The following RTL4 variants were observed in gnomAD, a reference collection of about 807,000 sequenced individuals.
RTL4 encodes the protein retrotransposon Gag like 4.
Under a neutral mutation model 5.3 loss-of-function variants are expected in RTL4, and 4 were observed. The ratio of observed to expected loss-of-function variants is 0.75; its 90% CI spans 0.37 to 1.72. The LOEUF (loss-of-function observed/expected upper bound fraction) is 1.72. RTL4 is among the 40% of genes most tolerant of loss of function. The probability of loss-of-function intolerance (pLI) is 0.04; values close to 1 mark genes in which losing one functional copy is unlikely to be tolerated. For missense variants in RTL4, 260 were observed against 227.1 expected, an observed-to-expected ratio of 1.14 and a Z score of -0.93; for synonymous variants, 98 against 87.3, an observed-to-expected ratio of 1.12 and a Z score of -0.68.
the RTL4 span, among the ~76,000 whole-genome samples, chrX:112,334,996 T>C: frequency 8.9e-6 from 1 of 112,234 alleles, no homozygotes; most frequent in Non-Finnish European, 1.9e-5. Flanking sequence ...GTTGAAGTTT[T>C]GCTGGATTTA....
At chrX:112,420,592 A>G in the RTL4 span, among the ~76,000 whole-genome samples, 1 of 111,625 alleles carries the variant, frequency 9.0e-6, no homozygotes, top group Non-Finnish European at 1.9e-5. Context: ...TTTAAATGGA[A>G]TTAAAACAAT....
chrX:112,098,254 C>T, the RTL4 span, among the ~76,000 whole-genome samples: 1 of 109,710 alleles, frequency 9.1e-6, no homozygotes, highest in African/African-American at 3.3e-5. Context: ...ATGATGGTTT[C>T]CAGCTTCATC....
the RTL4 span, among the ~76,000 whole-genome samples, chrX:112,358,301 G>T: frequency 8.9e-4 from 95 of 107,134 alleles, 1 homozygote; most frequent in South Asian, 0.034. Flanking sequence ...TAGAGATGGG[G>T]TCTTGCCATG....
the RTL4 span, among the ~76,000 whole-genome samples, chrX:112,346,976 C>T: frequency 9.0e-6 from 1 of 111,592 alleles, no homozygotes; most frequent in Non-Finnish European, 1.9e-5. Flanking sequence ...AATTCAGCAA[C>T]CTATATTTGG....
At chrX:112,421,662 C>T in the RTL4 span, among the ~76,000 whole-genome samples, 3,842 of 111,901 alleles carry the variant, frequency 0.034, 179 homozygotes, top group African/African-American at 0.12. Flanking sequence ...CCACAGTGAA[C>T]GCTGATATGA....
the RTL4 span, chrX:112,382,179 AC>A: frequency 8.3e-7 from 1 of 1,200,885 alleles, no homozygotes; most frequent in Admixed American, 2.2e-5. Context: ...CAAAGACCAC[AC>A]CCAGTCTTCC....
chrX:112,382,498 C>T, the RTL4 span, among the ~76,000 whole-genome samples: 43 of 111,727 alleles, frequency 3.8e-4, no homozygotes, highest in African/African-American at 1.3e-3. Context: ...TAGCCATTTA[C>T]CATACATCAA....
At chrX:112,152,711 C>T in the RTL4 span, among the ~76,000 whole-genome samples, 2 of 112,172 alleles carry the variant, frequency 1.8e-5, no homozygotes, top group Non-Finnish European at 3.8e-5. Context: ...ATTTTCCCAA[C>T]AGGTTTATAC....
At chrX:112,341,594 A>C in the RTL4 span, among the ~76,000 whole-genome samples, 1 of 111,900 alleles carries the variant, frequency 8.9e-6, no homozygotes, top group African/African-American at 3.3e-5. Context: ...GTATAGATAC[A>C]ACCTATATTC....
the RTL4 span, among the ~76,000 whole-genome samples, chrX:112,426,232 T>C: frequency 9.0e-6 from 1 of 111,626 alleles, no homozygotes; most frequent in Non-Finnish European, 1.9e-5. Context: ...CAAAGATCAG[T>C]AGGCTATATA....
chrX:112,443,789 A>G, the RTL4 span, among the ~76,000 whole-genome samples: 1 of 110,945 alleles, frequency 9.0e-6, no homozygotes, highest in Non-Finnish European at 1.9e-5. Flanking sequence ...AGATTATTAG[A>G]TTTTTTTCGT....
chrX:112,086,453 C>G, the RTL4 span, among the ~76,000 whole-genome samples: 1 of 112,179 alleles, frequency 8.9e-6, no homozygotes, highest in Non-Finnish European at 1.9e-5. Context: ...GAAAAAATAT[C>G]TCAGTGTGAT....
At chrX:112,322,890 G>A in the RTL4 span, among the ~76,000 whole-genome samples, 1 of 111,670 alleles carries the variant, frequency 9.0e-6, no homozygotes, top group Non-Finnish European at 1.9e-5. Context: ...TTTAATTGCT[G>A]TCTAATATTC....
the RTL4 span, among the ~76,000 whole-genome samples, chrX:112,400,035 C>A: frequency 9.0e-6 from 1 of 111,135 alleles, no homozygotes. Context: ...GTGAGATTTT[C>A]TCTTTATCAG....
At chrX:112,141,849 C>T in the RTL4 span, among the ~76,000 whole-genome samples, 1 of 111,875 alleles carries the variant, frequency 8.9e-6, no homozygotes, top group Non-Finnish European at 1.9e-5. Flanking sequence ...AATTCCATTA[C>T]TTTGGAAATT....
chrX:112,117,148 T>C, the RTL4 span, among the ~76,000 whole-genome samples: 1 of 109,596 alleles, frequency 9.1e-6, no homozygotes, highest in Non-Finnish European at 1.9e-5. Context: ...ATATGGTACA[T>C]ACACTATTTA....
the RTL4 span, among the ~76,000 whole-genome samples, chrX:112,334,033 A>G: frequency 2.2e-4 from 24 of 108,094 alleles, no homozygotes; most frequent in Non-Finnish European, 3.8e-4. Flanking sequence ...TAGATCTCAC[A>G]AATAAGTGAG....
the RTL4 span, among the ~76,000 whole-genome samples, chrX:112,271,049 GAAAAA>G: frequency 1.6e-5 from 1 of 60,871 alleles, no homozygotes; most frequent in Non-Finnish European, 3.2e-5. Context: ...CCTGGAGACA[GAAAAA>G]AAAAAAAAAA....
the RTL4 span, among the ~76,000 whole-genome samples, chrX:112,351,803 G>A: frequency 1.8e-5 from 2 of 111,078 alleles, no homozygotes; most frequent in African/African-American, 6.6e-5. Context: ...CACACTGATG[G>A]GTCTTGACTC....
Sources: gnomAD v4.1 joint callset for allele counts (sites outside exome capture counted in the v4.1 genomes callset) on GRCh38, gnomAD v4.1.1 for gene constraint, MANE v1.5 for transcripts, NCBI Gene and HGNC (gene_info 2026-07-23, HGNC 2026-07-21) for gene names.